The following STK11 variants were observed in gnomAD, a reference collection of about 807,000 sequenced individuals.
STK11 encodes the protein serine/threonine kinase 11, also known as serine/threonine-protein kinase STK11.
Under a neutral mutation model 47.3 loss-of-function variants are expected in STK11, and 8 were observed. That is an observed-to-expected ratio of 0.17 (90% CI 0.10 to 0.31). The LOEUF is 0.31. Ranked by LOEUF, STK11 falls within the 10% of genes least tolerant of loss-of-function variation. The pLI, the probability that STK11 is intolerant of heterozygous loss-of-function variation, is 1.00. For synonymous variants in STK11, 330 were observed against 255.8 expected (o/e 1.29, Z -2.77); for missense variants, 475 against 605.0 (o/e 0.79, Z 2.25).
intron 1 of STK11, among the ~76,000 whole-genome samples, chr19:1,212,136 A>C (rs1170437196): frequency 6.6e-6 from 1 of 152,088 alleles, no homozygotes; most frequent in Non-Finnish European, 1.5e-5. Flanking sequence ...CAGCTGGGGC[A>C]GGCCTGGAAT....
chr19:1,224,413 C>T (rs1377868756), intron 8 of STK11: 34 of 985,326 alleles, frequency 3.5e-5, no homozygotes, highest in Non-Finnish European at 4.1e-5. Context: ...CTCATGGTGC[C>T]CATCCTTGGG....
At chr19:1,223,520 G>A (rs2080800556) in intron 8 of STK11, 2 of 986,990 alleles carry the variant, frequency 2.0e-6, no homozygotes, top group African/African-American at 3.3e-5. Context: ...GTAGGTGAGA[G>A]TCAGGGTGCA....
At chr19:1,213,057 C>A (rs1160999021) in intron 1 of STK11, among the ~76,000 whole-genome samples, 1 of 133,196 alleles carries the variant, frequency 7.5e-6, no homozygotes, top group Non-Finnish European at 1.5e-5. Flanking sequence ...AGTGCAGTGG[C>A]GTGATCTTGG....
At chr19:1,226,142 T>C (rs1362531921) in intron 8 of STK11, 2 of 1,209,556 alleles carry the variant, frequency 1.7e-6, no homozygotes, top group East Asian at 4.5e-5. Flanking sequence ...CCTTGTCAGC[T>C]TGCCTCCTAC....
In STK11 at chr19:1,228,068, T is replaced by C. The variant is rs1304006491; in HGVS notation, c.*492T>C. ...TCCATTTTCTTTTTTTCTTTTTTTT[T>C]TTAAGAAAAAATAAAAGGTGGATTT... On this transcript the variant is annotated 3_prime_UTR_variant, in exon 10 of 10. Transcript: ENST00000326873. The C allele has an allele frequency of 9.4e-7, 1 of 1,065,736 alleles. No individual in the cohort carries two copies. Among genetic ancestry groups the C allele is most frequent in the Non-Finnish European group, 1.1e-6 (1 of 879,598 alleles). 66.0% of individuals were successfully genotyped at this position (1,065,736 alleles called of 1,614,324 possible).
chr19:1,220,924 A>G (rs2080779030), intron 5 of STK11, among the ~76,000 whole-genome samples: 1 of 152,216 alleles, frequency 6.6e-6, no homozygotes, highest in Admixed American at 6.5e-5. Context: ...CTGGCCCGTC[A>G]GGGATCTTCA....
At chr19:1,219,211 A>G (rs1250356038) in intron 2 of STK11, 113 bp from the exon 3 acceptor site, 2 of 1,287,364 alleles carry the variant, frequency 1.6e-6, no homozygotes, top group East Asian at 5.1e-5. Context: ...CCTGGTCCCG[A>G]GGAGGGGCAA....
chr19:1,226,193 C>T (rs902169262), intron 8 of STK11: 6 of 1,334,952 alleles, frequency 4.5e-6, no homozygotes, highest in Non-Finnish European at 3.8e-6. Flanking sequence ...GGGGTCCCAC[C>T]TGCGGCCATG....
At chr19:1,220,793 C>G (rs962388852) in intron 5 of STK11, 76 bp downstream of exon 5, 1 of 1,532,866 alleles carries the variant, frequency 6.5e-7, no homozygotes. Context: ...AGCTGCCGGC[C>G]TGTGGGCGCA....
At position 1,220,653 on chromosome 19, in the gene STK11, A is replaced by G. The variant is rs1321933519; in HGVS notation, c.670A>G (p.Ile224Val). ...QGSPAFQPPEIANGLDTFSGF... is the reference protein window; with the variant it reads ...QGSPAFQPPEVANGLDTFSGF... ...CTCCCCGGCTTTCCAGCCGCCCGAG[A>G]TTGCCAACGGCCTGGACACCTTCTC... Residue 224 changes from isoleucine to valine, a missense_variant, in exon 5 of 10, where the codon ATT becomes GTT. Physicochemically the swap from Ile to Val is conservative, Grantham distance 29. Around this residue, in one of 5 missense-constraint regions of STK11, gnomAD observed 130 missense variants for 239.7 expected, o/e 0.54. Coordinates refer to ENST00000326873, the MANE Select transcript of STK11 (RefSeq NM_000455.5). The G allele has an allele frequency of 6.2e-7, 1 of 1,610,346 alleles. No homozygotes were observed.
intron 1 of STK11, among the ~76,000 whole-genome samples, chr19:1,208,284 AGGGGCCCT>A: frequency 6.8e-6 from 1 of 147,686 alleles, no homozygotes; most frequent in South Asian, 2.1e-4. Flanking sequence ...TCTCCTGCTC[AGGGGCCCT>A]GGGGCTCACG....
Position 1,206,646 on chromosome 19 carries a change from G to GA in STK11, c.-266dup. ...CAGTTCTGAGGCCCGGGTCCCACTGGAACTCGCGTCTGAGCCGCCGTCCCG... is the reference window on the plus strand; with the variant it reads ...CAGTTCTGAGGCCCGGGTCCCACTGGAAACTCGCGTCTGAGCCGCCGTCCCG... On this transcript the variant is annotated 5_prime_UTR_variant, in exon 1 of 10. Coordinates refer to ENST00000326873, the MANE Select transcript of STK11 (RefSeq NM_000455.5). 1.9e-6 allele frequency: 1 copy of GA among 524,854 alleles called. No individual in the cohort carries two copies. The highest frequency in any genetic ancestry group is 3.4e-6 in the Non-Finnish European group (1 of 297,360). 32.5% of individuals were successfully genotyped at this position (524,854 alleles called of 1,614,324 possible).
At chr19:1,216,205 A>T (rs769208285) in intron 1 of STK11, 1 of 163,740 alleles carries the variant, frequency 6.1e-6, no homozygotes, top group African/African-American at 2.4e-5. Context: ...TAATTCCAGA[A>T]CGTTCGGTCA....
In STK11 at chr19:1,206,550, A is replaced by G. The variant is rs1599914278; in HGVS notation, c.-364A>G. ...GCCTGAGGTCCCCGGAGGATGACCT[A>G]GCACTGAAAAGCCCCGGCCGGCCTC... On this transcript the variant is annotated 5_prime_UTR_variant, in exon 1 of 10. It removes the in-frame stop codon of an upstream open reading frame in the 5' UTR. Coordinates refer to ENST00000326873, the MANE Select transcript of STK11 (RefSeq NM_000455.5). The G allele has an allele frequency of 2.7e-6, 1 of 373,114 alleles. No homozygotes were observed. Among genetic ancestry groups the G allele is most frequent in the East Asian group, 4.4e-5 (1 of 22,754 alleles). The allele number at this position is 373,114 out of a possible 1,614,324, so 23.1% of individuals were successfully genotyped here.
rs556200126 is a variant in STK11, at chr19:1,220,761, G to A, written c.734+44G>A. ...CGGGCACTCACCACACGCACACTCCGAGGGGCCTCTGCGTCTTGGGCAGCT... is the reference window on the plus strand; with the variant it reads ...CGGGCACTCACCACACGCACACTCCAAGGGGCCTCTGCGTCTTGGGCAGCT... On this transcript the variant is annotated intron_variant, in intron 5 of 9. Coordinates refer to ENST00000326873, the MANE Select transcript of STK11 (RefSeq NM_000455.5). 3.0e-5 allele frequency: 47 copies of A among 1,565,574 alleles called. No individual in the cohort carries two copies. Among genetic ancestry groups the A allele is most frequent in the Admixed American group, 2.2e-4 (12 of 55,700 alleles).
chr19:1,226,778 G>A, intron 9 of STK11, 115 bp downstream of exon 9: 1 of 1,282,990 alleles, frequency 7.8e-7, no homozygotes, highest in Non-Finnish European at 1.0e-6. Flanking sequence ...GGCTGCGCGT[G>A]GTTGCCATGT....
chr19:1,220,729 GC>G lies in STK11; in HGVS notation c.734+19del, dbSNP rs730881962. 7.5e-6 allele frequency: 12 copies of G among 1,600,914 alleles called. No individual in the cohort carries two copies. The highest frequency in any genetic ancestry group is 1.1e-5 in the South Asian group (1 of 90,178). On this transcript the variant is annotated intron_variant, in intron 5 of 9. Coordinates refer to ENST00000326873, the MANE Select transcript of STK11 (RefSeq NM_000455.5). Reference sequence around the variant, plus strand: ...GCTGGGGTCACCCTGTAAGTGCCCCGCCCCCCCGGGCACTCACCACACGCAC... The same window carrying G: ...GCTGGGGTCACCCTGTAAGTGCCCCGCCCCCCGGGCACTCACCACACGCAC...
chr19:1,227,721 C>T lies in STK11; in HGVS notation c.*145C>T. 2 of 1,071,370 alleles carry T rather than the reference C, an allele frequency of 1.9e-6. No homozygotes were observed. Among genetic ancestry groups the T allele is most frequent in the Non-Finnish European group, 2.3e-6 (2 of 883,052 alleles). 66.4% of individuals were successfully genotyped at this position (1,071,370 alleles called of 1,614,324 possible). On this transcript the variant is annotated 3_prime_UTR_variant, in exon 10 of 10. Transcript: ENST00000326873. Reference sequence around the variant, plus strand: ...CACGCCCCAGGACCTCCGGAGCGCCCTGCAGGGCCGGGCAGGGGGACAGCA... The same window carrying T: ...CACGCCCCAGGACCTCCGGAGCGCCTTGCAGGGCCGGGCAGGGGGACAGCA...
chr19:1,220,206 G>A, intron 3 of STK11, 167 bp from the exon 4 acceptor site: 1 of 903,044 alleles, frequency 1.1e-6, no homozygotes, highest in Non-Finnish European at 1.6e-6. Flanking sequence ...GCAGGCGCAG[G>A]TGTGGCTCCC....
Sources: allele counts gnomAD v4.1 joint callset (sites outside exome capture counted in the v4.1 genomes callset), GRCh38; gene constraint gnomAD v4.1.1; regional missense constraint gnomAD v4.1.1; transcripts MANE v1.5; gene names NCBI Gene and HGNC (gene_info 2026-07-23, HGNC 2026-07-21).